VSIG4: variants seen among roughly 807,000 people sequenced by gnomAD.
The protein encoded by VSIG4 is V-set and immunoglobulin domain-containing protein 4.
In VSIG4, 34 loss-of-function variants were observed where a neutral mutation model predicts 23.4. The observed-to-expected ratio is 1.45, with a 90% CI of 1.10 to 1.93. VSIG4 has a LOEUF of 1.93. VSIG4 is among the 30% of genes most tolerant of loss of function. The pLI, the probability that VSIG4 is intolerant of heterozygous loss-of-function variation, is 0.00. For missense variants in VSIG4, 433 were observed against 310.8 expected (o/e 1.39, Z -2.96); for synonymous variants, 169 against 120.3 (o/e 1.41, Z -2.65).
intron 6 of VSIG4, among the ~76,000 whole-genome samples, chrX:66,023,886 G>A (rs1026848447): frequency 8.9e-6 from 1 of 112,284 alleles, no homozygotes; most frequent in Admixed American, 9.4e-5. Context: ...TGTGGTTACC[G>A]CTTATGCCCA....
At chrX:66,038,036 C>A (rs962131736) in intron 1 of VSIG4, among the ~76,000 whole-genome samples, 2 of 110,930 alleles carry the variant, frequency 1.8e-5, no homozygotes, top group Non-Finnish European at 3.8e-5. Context: ...GCTTCTCTCC[C>A]TTTCCTGGAA....
chrX:66,035,397 G>A (rs1171423320), intron 1 of VSIG4, among the ~76,000 whole-genome samples: 4 of 111,760 alleles, frequency 3.6e-5, no homozygotes, highest in Non-Finnish European at 7.5e-5. Flanking sequence ...GCCTTAGAAC[G>A]AACTTTGTGA....
chrX:66,032,784 A>T, intron 2 of VSIG4, 35 bp from the exon 3 acceptor site: 3 of 1,188,879 alleles, frequency 2.5e-6, no homozygotes, highest in Non-Finnish European at 3.4e-6. Flanking sequence ...AACTCTGGGC[A>T]GTCATAAGGA....
intron 6 of VSIG4, among the ~76,000 whole-genome samples, chrX:66,023,934 T>C (rs2085361207): frequency 8.9e-6 from 1 of 112,494 alleles, no homozygotes; most frequent in Admixed American, 9.4e-5. Context: ...TTCATTTTAG[T>C]GCCCCTGGGG....
intron 2 of VSIG4, 110 bp downstream of exon 2, chrX:66,033,364 G>GGA: frequency 1.5e-6 from 1 of 661,510 alleles, no homozygotes; most frequent in South Asian, 2.7e-5. Context: ...ATATACCTGT[G>GGA]GAGAGCCTCT....
chrX:66,027,350 G>T, intron 5 of VSIG4, 99 bp downstream of exon 5: 1 of 735,047 alleles, frequency 1.4e-6, no homozygotes, highest in Non-Finnish European at 2.1e-6. Context: ...GTAATGATTT[G>T]CAGATTTCAA....
chrX:66,022,453 G>C lies in VSIG4; in HGVS notation c.1010C>G (p.Ala337Gly). 8.3e-7 allele frequency: 1 copy of C among 1,211,905 alleles called. No individual in the cohort carries two copies. The highest frequency in any genetic ancestry group is 1.1e-6 in the Non-Finnish European group (1 of 895,515). ...ACTGGAGCAGCCACTTGCGAAGATG[G>C]CCACCCTCATGGTTTCTCCAGAGTC... is the stretch of plus-strand genomic sequence containing the variant. ...ANDSGETMRV[A>G]IFASGCSSDE... The change falls in exon 8 of 8, where the codon GCC becomes GGC. Residue 337 changes from alanine to glycine, a missense_variant. Physicochemically the swap from Ala to Gly is moderately conservative, Grantham distance 60. Coordinates refer to ENST00000374737, the MANE Select transcript of VSIG4 (RefSeq NM_007268.3).
Position 66,028,872 on chromosome X carries a change from C to T in VSIG4, c.695-760G>A, listed in dbSNP as rs574531919. On this transcript the variant is annotated intron_variant, in intron 3 of 7. Transcript: ENST00000374737. ...TTTATTGGTCACCCAGTGCTAAGAG[C>T]CTCTCCCCAGGGATGGGGTAGCATT... is the stretch of plus-strand genomic sequence containing the variant. 8.1e-5 allele frequency among the ~76,000 whole-genome samples: 9 copies of T among 111,249 alleles called. No individual in the cohort carries two copies. In the South Asian group the frequency reaches 3.4e-3, roughly 42 times the overall value.
At chrX:66,037,402 A>G (rs1201795371) in intron 1 of VSIG4, among the ~76,000 whole-genome samples, 2 of 39,192 alleles carry the variant, frequency 5.1e-5, no homozygotes, top group Non-Finnish European at 8.1e-5. Context: ...TTATGTAATA[A>G]TATTAATATA....
intron 4 of VSIG4, 112 bp from the exon 5 acceptor site, chrX:66,027,638 C>T (rs1170688495): frequency 3.5e-6 from 2 of 578,588 alleles, no homozygotes; most frequent in Non-Finnish European, 5.8e-6. Context: ...GCTGTACTTT[C>T]CAGGGTACCT....
rs775177036 is a variant in VSIG4 at position 66,022,116 on chromosome X, C to T, written c.*147G>A. 34 of 1,176,961 alleles carry T rather than the reference C, an allele frequency of 2.9e-5. No individual in the cohort carries two copies. The highest frequency in any genetic ancestry group is 2.8e-4 in the East Asian group (9 of 31,820). On this transcript the variant is annotated 3_prime_UTR_variant, in exon 8 of 8. Coordinates refer to ENST00000374737, the MANE Select transcript of VSIG4 (RefSeq NM_007268.3). ...GAGATGCATCTGGCAAATTCCAGGG[C>T]AAAGCCAGTGACTCCCAGCGGCTCC...
intron 1 of VSIG4, among the ~76,000 whole-genome samples, chrX:66,038,340 G>C (rs957637714): frequency 9.1e-6 from 1 of 110,031 alleles, no homozygotes; most frequent in Non-Finnish European, 1.9e-5. Flanking sequence ...GGAGAGGGAA[G>C]GTATTATTTG....
In VSIG4 at chrX:66,028,083, C is replaced by T. The variant is rs372984245; in HGVS notation, c.724G>A (p.Glu242Lys). ...GGGTATGTCATGGTTGTAGGTGCCTCAGTCTTGGTCTTGAGTAGCTTTGAG... is the reference window on the plus strand; with the variant it reads ...GGGTATGTCATGGTTGTAGGTGCCTTAGTCTTGGTCTTGAGTAGCTTTGAG... Reference protein sequence around the residue: ...DSSKLLKTKTEAPTTMTYPLK... With the variant: ...DSSKLLKTKTKAPTTMTYPLK... Residue 242 changes from glutamate (E) to lysine (K), a missense_variant, in exon 4 of 8, where the codon GAG becomes AAG. By Grantham distance (56) the Glu-to-Lys change is moderately conservative. Transcript: ENST00000374737. 8.3e-6 allele frequency: 10 copies of T among 1,210,897 alleles called. No homozygotes were observed. The highest frequency in any genetic ancestry group is 8.9e-6 in the Non-Finnish European group (8 of 894,996).
chrX:66,023,543 G>A lies in VSIG4; in HGVS notation c.941-681C>T, dbSNP rs73629483. On this transcript the variant is annotated intron_variant, in intron 6 of 7. Coordinates refer to ENST00000374737, the MANE Select transcript of VSIG4 (RefSeq NM_007268.3). ...GCCACAGGACTTCTGCCTTATGGTAGAGCCCTGCATTTCTGTGTCTTACTC... is the reference window on the plus strand; with the variant it reads ...GCCACAGGACTTCTGCCTTATGGTAAAGCCCTGCATTTCTGTGTCTTACTC... 2.6e-3 allele frequency among the ~76,000 whole-genome samples: 290 copies of A among 112,749 alleles called. 1 individual carries two copies. The highest frequency in any genetic ancestry group is 8.9e-3 in the African/African-American group (276 of 31,088).
chrX:66,036,465 T>C (rs1048235262), intron 1 of VSIG4, among the ~76,000 whole-genome samples: 6 of 103,555 alleles, frequency 5.8e-5, no homozygotes, highest in Non-Finnish European at 1.2e-4. Flanking sequence ...GTAGTAGGAA[T>C]AACACTGATC....
chrX:66,024,614 C>T (rs758059591), intron 6 of VSIG4, among the ~76,000 whole-genome samples: 10 of 112,000 alleles, frequency 8.9e-5, no homozygotes, highest in African/African-American at 3.2e-4. Flanking sequence ...CTCTCTTCTC[C>T]TCTGGATCCC....
In VSIG4 at chrX:66,022,228, A is replaced by G. The variant is rs761341000; in HGVS notation, c.*35T>C. 1.4e-5 allele frequency: 17 copies of G among 1,210,712 alleles called. No homozygotes were observed. In the South Asian group the frequency reaches 1.6e-4, roughly 11 times the overall value. ...GCAGAAGGCAAGGACTGACTAGGCA[A>G]TTATGTCAGCAGATCCTGGCCTAAT... On this transcript the variant is annotated 3_prime_UTR_variant, in exon 8 of 8. Coordinates refer to ENST00000374737, the MANE Select transcript of VSIG4 (RefSeq NM_007268.3).
In VSIG4 at chrX:66,022,286, T is replaced by C. The variant is rs779159156; in HGVS notation, c.1177A>G (p.Thr393Ala). 2.9e-5 allele frequency: 35 copies of C among 1,210,960 alleles called. No homozygotes were observed. Among genetic ancestry groups the C allele is most frequent in the African/African-American group, 5.2e-5 (3 of 57,505 alleles). ...TVPLDYEFLA[T>A]EGKSVC ...TTTTAACAGACACTTTTGCCCTCAG[T>C]GGCCAGAAACTCATAATCCAGAGGA... The change falls in exon 8 of 8, where the codon ACT becomes GCT. Residue 393 changes from threonine to alanine, a missense_variant. Physicochemically the swap from Thr to Ala is moderately conservative, Grantham distance 58. Transcript: ENST00000374737.
At chrX:66,032,341 A>T (rs2085473056) in intron 3 of VSIG4, 127 bp downstream of exon 3, 3 of 884,027 alleles carry the variant, frequency 3.4e-6, no homozygotes, top group Admixed American at 3.6e-5. Flanking sequence ...TTTCTTTGTG[A>T]TTGTACAACC....
Sources: gnomAD v4.1 joint callset for allele counts (sites outside exome capture counted in the v4.1 genomes callset) on GRCh38, gnomAD v4.1.1 for gene constraint, MANE v1.5 for transcripts, NCBI Gene and HGNC (gene_info 2026-07-23, HGNC 2026-07-21) for gene names.